Variants in ZC3H12C observed in about 807,000 individuals in gnomAD.
ZC3H12C encodes the protein zinc finger CCCH-type containing 12C, also known as probable ribonuclease ZC3H12C.
A neutral mutation model predicts 76.3 loss-of-function variants in ZC3H12C; 20 were observed. The observed-to-expected ratio is 0.26, with a 90% CI of 0.18 to 0.38. ZC3H12C has a LOEUF of 0.38. ZC3H12C is among the 10% of genes least tolerant of loss of function. The pLI is 1.00. For synonymous variants in ZC3H12C, 352 were observed against 399.6 expected (o/e 0.88, Z 1.42); for missense variants, 874 against 1,086.5 (o/e 0.80, Z 2.75).
chr11:110,107,698 G>T (rs1565248566), intron 1 of ZC3H12C, among the ~76,000 whole-genome samples: 1 of 151,894 alleles, frequency 6.6e-6, no homozygotes, highest in Non-Finnish European at 1.5e-5. Context: ...GCTAATTTTT[G>T]TATTTTTAGT....
chr11:110,135,756 A>G, intron 1 of ZC3H12C: 1 of 151,040 alleles, frequency 6.6e-6, no homozygotes, highest in Admixed American at 6.7e-5. Context: ...ATACAGGAGG[A>G]TTTTCTGCCA....
At chr11:110,146,009 C>T (rs1862160949) in intron 2 of ZC3H12C, among the ~76,000 whole-genome samples, 1 of 152,276 alleles carries the variant, frequency 6.6e-6, no homozygotes, top group Non-Finnish European at 1.5e-5. Flanking sequence ...GTTTTTGAGA[C>T]GGAGTCTTGC....
chr11:110,117,807 CACAT>C (rs1369297014), intron 1 of ZC3H12C, among the ~76,000 whole-genome samples: 5 of 127,932 alleles, frequency 3.9e-5, no homozygotes, highest in Admixed American at 8.5e-5. Flanking sequence ...TATATATACA[CACAT>C]ATATATACAC....
At chr11:110,156,443 C>CTTATGTCAGGATTAT (rs996326399) in intron 3 of ZC3H12C, among the ~76,000 whole-genome samples, 2 of 152,190 alleles carry the variant, frequency 1.3e-5, no homozygotes, top group African/African-American at 4.8e-5. Context: ...ACCCATATTA[C>CTTATGTCAGGATTAT]TTATGTCAGG....
chr11:110,146,007 G>A (rs962758705), intron 2 of ZC3H12C, among the ~76,000 whole-genome samples: 3 of 152,184 alleles, frequency 2.0e-5, no homozygotes, highest in Non-Finnish European at 4.4e-5. Context: ...TTGTTTTTGA[G>A]ACGGAGTCTT....
At chr11:110,130,642 G>T (rs1000367643) in intron 1 of ZC3H12C, among the ~76,000 whole-genome samples, 5 of 152,102 alleles carry the variant, frequency 3.3e-5, no homozygotes, top group Non-Finnish European at 5.9e-5. Context: ...AATATAATTG[G>T]TTTCTTTGTT....
chr11:110,137,761 T>A (rs1378924480), intron 2 of ZC3H12C, among the ~76,000 whole-genome samples: 2 of 152,220 alleles, frequency 1.3e-5, no homozygotes, highest in Non-Finnish European at 2.9e-5. Flanking sequence ...AATTTTAGAA[T>A]CTAGTCAAAT....
At chr11:110,137,525 G>A (rs1861988204) in intron 2 of ZC3H12C, 111 bp downstream of exon 2, 1 of 1,249,386 alleles carries the variant, frequency 8.0e-7, no homozygotes, top group Non-Finnish European at 1.1e-6. Context: ...ACATTTTTCT[G>A]TATCCTGATG....
intron 2 of ZC3H12C, among the ~76,000 whole-genome samples, chr11:110,142,725 C>T (rs1301598785): frequency 1.3e-5 from 2 of 152,162 alleles, no homozygotes; most frequent in African/African-American, 4.8e-5. Context: ...TCGATGACTT[C>T]CAGGCTTCTA....
chr11:110,129,007 C>T (rs1175870743), intron 1 of ZC3H12C, among the ~76,000 whole-genome samples: 3 of 151,498 alleles, frequency 2.0e-5, no homozygotes, highest in African/African-American at 2.4e-5. Flanking sequence ...TTGCAATAAG[C>T]GAGAATACTA....
chr11:110,142,499 G>C (rs1170392441), intron 2 of ZC3H12C, among the ~76,000 whole-genome samples: 1 of 152,104 alleles, frequency 6.6e-6, no homozygotes, highest in Non-Finnish European at 1.5e-5. Context: ...ATTATCTTTA[G>C]ACTGGATCTT....
At chr11:110,119,795 G>A (rs781336596) in intron 1 of ZC3H12C, among the ~76,000 whole-genome samples, 1 of 152,142 alleles carries the variant, frequency 6.6e-6, no homozygotes, top group Non-Finnish European at 1.5e-5. Context: ...ATAGCGGGGC[G>A]AAGGAGCTTG....
intron 1 of ZC3H12C, among the ~76,000 whole-genome samples, chr11:110,129,798 T>C (rs866274856): frequency 3.6e-5 from 5 of 139,408 alleles, no homozygotes; most frequent in African/African-American, 1.4e-4. Flanking sequence ...TACAATGCCT[T>C]ATAGTATTTA....
chr11:110,097,262 T>C (rs1861130241), intron 1 of ZC3H12C, among the ~76,000 whole-genome samples: 1 of 152,240 alleles, frequency 6.6e-6, no homozygotes, highest in Non-Finnish European at 1.5e-5. Flanking sequence ...ATAATTCTTA[T>C]GCCCAGTAAT....
At chr11:110,117,723 CATATATATATACACACACAT>C (rs1565252120) in intron 1 of ZC3H12C, among the ~76,000 whole-genome samples, 2 of 13,026 alleles carry the variant, frequency 1.5e-4, no homozygotes. Flanking sequence ...TACACACACA[CATATATATATACACACACAT>C]ATATATATTA....
At chr11:110,145,687 C>T (rs1462262851) in intron 2 of ZC3H12C, among the ~76,000 whole-genome samples, 1 of 152,208 alleles carries the variant, frequency 6.6e-6, no homozygotes, top group Non-Finnish European at 1.5e-5. Context: ...TAGGATGCCT[C>T]TCTTCTTCAA....
chr11:110,105,184 A>G (rs1861299796), intron 1 of ZC3H12C, among the ~76,000 whole-genome samples: 1 of 152,136 alleles, frequency 6.6e-6, no homozygotes, highest in South Asian at 2.1e-4. Context: ...CAGTTTTCCC[A>G]TATAGTTGAG....
At position 110,165,846 on chromosome 11, in the gene ZC3H12C, A is replaced by G; in HGVS notation, c.*109A>G. On this transcript the variant is annotated 3_prime_UTR_variant, in exon 6 of 6. Transcript: ENST00000278590. ...CTCCTTCTCAGCAAGGAGGTTATAT[A>G]GTATCCATTTATGTGAAATACTGTA... 2 of 1,037,300 alleles carry G rather than the reference A, an allele frequency of 1.9e-6. No individual in the cohort carries two copies. Among genetic ancestry groups the G allele is most frequent in the Non-Finnish European group, 2.7e-6 (2 of 729,092 alleles). The allele number at this position is 1,037,300 out of a possible 1,614,324, so 64.3% of individuals were successfully genotyped here.
intron 1 of ZC3H12C, among the ~76,000 whole-genome samples, chr11:110,130,807 A>G (rs1173374131): frequency 6.6e-6 from 1 of 152,184 alleles, no homozygotes; most frequent in Non-Finnish European, 1.5e-5. Context: ...TCGTTAATAC[A>G]CATGCTGCCC....
Sources: gnomAD v4.1 joint callset for allele counts (sites outside exome capture counted in the v4.1 genomes callset) on GRCh38, gnomAD v4.1.1 for gene constraint, MANE v1.5 for transcripts, NCBI Gene and HGNC (gene_info 2026-07-23, HGNC 2026-07-21) for gene names.